The following FRMPD4 variants were observed in gnomAD, a reference collection of about 807,000 sequenced individuals.
The protein encoded by FRMPD4 is FERM and PDZ domain containing 4.
FRMPD4 carries 22 observed loss-of-function variants against 94.1 expected under a neutral mutation model. The ratio of observed to expected loss-of-function variants is 0.23; its 90% CI spans 0.17 to 0.33. The LOEUF (loss-of-function observed/expected upper bound fraction) is 0.33. Ranked by LOEUF, FRMPD4 falls within the 10% of genes least tolerant of loss-of-function variation. The pLI is 1.00. For missense variants in FRMPD4, 1,111 were observed against 1,339.9 expected (o/e 0.83, Z 2.67); for synonymous variants, 631 against 548.6 (o/e 1.15, Z -2.10).
intron 2 of FRMPD4, among the ~76,000 whole-genome samples, chrX:12,529,021 TAC>T (rs915228973): frequency 2.7e-5 from 3 of 112,505 alleles, no homozygotes; most frequent in African/African-American, 9.7e-5. Context: ...TAAAACAACT[TAC>T]AGTTATTCTC....
At chrX:12,536,097 T>C (rs2058336426) in intron 2 of FRMPD4, among the ~76,000 whole-genome samples, 1 of 106,303 alleles carries the variant, frequency 9.4e-6, no homozygotes, top group Non-Finnish European at 1.9e-5. Context: ...ATCATATATA[T>C]AATACAACTG....
chrX:11,944,833 C>A (rs998331637), intron 3 of FRMPD4, among the ~76,000 whole-genome samples: 3 of 112,264 alleles, frequency 2.7e-5, no homozygotes, highest in Non-Finnish European at 3.8e-5. Context: ...GCTCCACAAT[C>A]CCCTCCCTTC....
intron 1 of FRMPD4, among the ~76,000 whole-genome samples, chrX:12,289,129 C>T: frequency 9.0e-6 from 1 of 111,394 alleles, no homozygotes; most frequent in Non-Finnish European, 1.9e-5. Context: ...CATGGGGTTT[C>T]TAGTGCTTGG....
chrX:12,502,018 A>G (rs1228491008), intron 2 of FRMPD4, among the ~76,000 whole-genome samples: 2 of 112,086 alleles, frequency 1.8e-5, no homozygotes, highest in African/African-American at 6.5e-5. Context: ...ATAGGCTGCA[A>G]ACTAATGGTT....
At chrX:12,573,410 C>A (rs188082172) in intron 2 of FRMPD4, among the ~76,000 whole-genome samples, 13 of 112,313 alleles carry the variant, frequency 1.2e-4, no homozygotes, top group African/African-American at 4.2e-4. Flanking sequence ...GTAGACCAGA[C>A]CTATGTAGAA....
chrX:12,425,377 G>T (rs1402685769), intron 1 of FRMPD4, among the ~76,000 whole-genome samples: 3 of 112,094 alleles, frequency 2.7e-5, no homozygotes, highest in Non-Finnish European at 5.6e-5. Context: ...GTGTAAAAGG[G>T]TGCTGTCTCT....
chrX:12,057,536 C>G (rs760829719), intron 3 of FRMPD4, among the ~76,000 whole-genome samples: 2 of 111,265 alleles, frequency 1.8e-5, no homozygotes, highest in South Asian at 7.6e-4. Context: ...GGAAGTGATC[C>G]TAAATCAGTA....
chrX:11,907,068 A>G (rs1309576755), intron 3 of FRMPD4, among the ~76,000 whole-genome samples: 2 of 111,138 alleles, frequency 1.8e-5, no homozygotes, highest in African/African-American at 6.5e-5. Context: ...TTAATATTTA[A>G]TATCTAACAT....
chrX:12,126,197 CCA>C (rs2055498189), intron 3 of FRMPD4, among the ~76,000 whole-genome samples: 2 of 112,174 alleles, frequency 1.8e-5, no homozygotes, highest in Non-Finnish European at 3.8e-5. Flanking sequence ...GACAACTTAG[CCA>C]CAGCTTGTCA....
intron 3 of FRMPD4, among the ~76,000 whole-genome samples, chrX:11,910,952 C>A (rs1312724923): frequency 5.8e-4 from 60 of 104,010 alleles, no homozygotes; most frequent in African/African-American, 2.1e-3. Context: ...AAAAAAAAAA[C>A]ATCTTCCAAG....
intron 1 of FRMPD4, among the ~76,000 whole-genome samples, chrX:12,397,397 A>C (rs2056556365): frequency 1.8e-5 from 2 of 112,120 alleles, no homozygotes; most frequent in South Asian, 7.4e-4. Flanking sequence ...ATGTGAGTAA[A>C]GGAAAAAAAA....
chrX:12,553,112 T>C (rs1481509590), intron 2 of FRMPD4, among the ~76,000 whole-genome samples: 2 of 110,550 alleles, frequency 1.8e-5, no homozygotes. Context: ...TGAGCCATGA[T>C]TGTGCCATTG....
At chrX:11,983,308 G>T (rs1396654936) in intron 3 of FRMPD4, among the ~76,000 whole-genome samples, 2 of 111,914 alleles carry the variant, frequency 1.8e-5, no homozygotes, top group African/African-American at 3.2e-5. Context: ...CTTAGTGAAA[G>T]GGTGGTCTAG....
At chrX:12,175,721 C>A in intron 1 of FRMPD4, among the ~76,000 whole-genome samples, 1 of 111,506 alleles carries the variant, frequency 9.0e-6, no homozygotes, top group East Asian at 2.8e-4. Context: ...GCCATGTCGA[C>A]CAGGCTGGTC....
chrX:11,994,390 A>C (rs1195434490), intron 3 of FRMPD4, among the ~76,000 whole-genome samples: 4 of 111,741 alleles, frequency 3.6e-5, no homozygotes, highest in African/African-American at 1.3e-4. Context: ...GCTCTAGTAC[A>C]GACCTCTCAT....
At chrX:11,882,256 A>C (rs1184374060) in intron 3 of FRMPD4, among the ~76,000 whole-genome samples, 5 of 110,732 alleles carry the variant, frequency 4.5e-5, no homozygotes, top group Non-Finnish European at 9.5e-5. Context: ...GGGCTTCTTC[A>C]GGGGAGGAGG....
At chrX:12,230,896 T>TA (rs1258454532) in intron 1 of FRMPD4, among the ~76,000 whole-genome samples, 1 of 86,176 alleles carries the variant, frequency 1.2e-5, no homozygotes, top group African/African-American at 4.3e-5. Flanking sequence ...ACTATATATA[T>TA]ACTATATATA....
intron 3 of FRMPD4, among the ~76,000 whole-genome samples, chrX:11,964,629 C>T (rs1340352090): frequency 8.9e-6 from 1 of 112,043 alleles, no homozygotes; most frequent in African/African-American, 3.2e-5. Context: ...TCTCAGAGTA[C>T]TAATATGAAA....
At chrX:12,282,858 G>T (rs187681042) in intron 1 of FRMPD4, among the ~76,000 whole-genome samples, 1 of 111,278 alleles carries the variant, frequency 9.0e-6, no homozygotes, top group East Asian at 2.8e-4. Context: ...CTGCAATGAG[G>T]AGGTCCAGAA....
Sources: gnomAD v4.1 joint callset for allele counts (sites outside exome capture counted in the v4.1 genomes callset) on GRCh38, gnomAD v4.1.1 for gene constraint, MANE v1.5 for transcripts, NCBI Gene and HGNC (gene_info 2026-07-23, HGNC 2026-07-21) for gene names.